Variants in GRIP1 observed in about 807,000 individuals in gnomAD.
GRIP1 encodes the protein glutamate receptor-interacting protein 1.
GRIP1 carries 45 observed loss-of-function variants against 129.9 expected under a neutral mutation model. That is an observed-to-expected ratio of 0.35 (90% CI 0.27 to 0.44). The LOEUF is 0.44. Among genes scored for constraint, GRIP1 ranks in the 20% least tolerant of loss-of-function variants. The pLI is 1.00. For synonymous variants in GRIP1, 530 were observed against 520.8 expected (o/e 1.02, Z -0.24); for missense variants, 1,196 against 1,396.8 (o/e 0.86, Z 2.29).
At chr12:66,413,612 C>G (rs1043263342) in intron 15 of GRIP1, among the ~76,000 whole-genome samples, 3 of 152,184 alleles carry the variant, frequency 2.0e-5, no homozygotes, top group African/African-American at 7.2e-5. Flanking sequence ...TAGTATCATC[C>G]TGATACCAAA....
At chr12:66,694,339 G>T (rs2136325323) in intron 1 of GRIP1, among the ~76,000 whole-genome samples, 2 of 152,116 alleles carry the variant, frequency 1.3e-5, no homozygotes, top group South Asian at 4.1e-4. Flanking sequence ...TTTTTATTTT[G>T]AATTACTTTT....
intron 1 of GRIP1, among the ~76,000 whole-genome samples, chr12:66,884,341 T>A (rs1293240428): frequency 6.6e-6 from 1 of 152,132 alleles, no homozygotes; most frequent in African/African-American, 2.4e-5. Context: ...CAGCCTCTAA[T>A]AATTATGTAA....
In GRIP1 at chr12:66,788,820, C is replaced by T. The variant is rs550499550; in HGVS notation, c.-420+15233G>A. Among the ~76,000 whole-genome samples, 11 of 152,250 alleles carry T rather than the reference C, an allele frequency of 7.2e-5. No homozygotes were observed. The South Asian group carries it at 2.3e-3, about 32-fold the overall frequency. On this transcript the variant is annotated intron_variant, in intron 1 of 4. Coordinates refer to the GRIP1 transcript ENST00000538373. ...GTAGCCCCAGCCTATACTTTGGTCA[C>T]AGCCTTCTGAGAGACCATGAACCCG...
At chr12:66,360,938 C>T (rs1019275101) in intron 23 of GRIP1, among the ~76,000 whole-genome samples, 1 of 152,220 alleles carries the variant, frequency 6.6e-6, no homozygotes, top group African/African-American at 2.4e-5. Context: ...GAGAACCAAA[C>T]TGACACCTAC....
intron 1 of GRIP1, among the ~76,000 whole-genome samples, chr12:66,999,176 A>G (rs962725609): frequency 2.0e-5 from 3 of 152,074 alleles, no homozygotes; most frequent in African/African-American, 4.8e-5. Context: ...TGGAGCAAAC[A>G]ATAATAAAAA....
chr12:66,730,352 T>C (rs1254432625), intron 1 of GRIP1, among the ~76,000 whole-genome samples: 1 of 152,196 alleles, frequency 6.6e-6, no homozygotes, highest in East Asian at 1.9e-4. Flanking sequence ...GTTTCATAAA[T>C]AGCTATAATT....
intron 1 of GRIP1, among the ~76,000 whole-genome samples, chr12:66,985,536 C>T (rs1471976050): frequency 6.6e-6 from 1 of 152,124 alleles, no homozygotes; most frequent in Non-Finnish European, 1.5e-5. Flanking sequence ...TTTTGATTTA[C>T]AACTTAATTG....
chr12:66,820,538 G>C (rs868586210), intron 1 of GRIP1, among the ~76,000 whole-genome samples: 14 of 152,108 alleles, frequency 9.2e-5, no homozygotes, highest in Admixed American at 3.3e-4. Context: ...TTATGTCCAT[G>C]TACAAACCTG....
intron 1 of GRIP1, among the ~76,000 whole-genome samples, chr12:66,600,308 T>C (rs1325811088): frequency 2.0e-5 from 3 of 152,160 alleles, no homozygotes; most frequent in Non-Finnish European, 2.9e-5. Flanking sequence ...CTTTGTTTCA[T>C]TGGAGAGATA....
chr12:67,012,961 G>A (rs1040843117), intron 1 of GRIP1, among the ~76,000 whole-genome samples: 1 of 152,096 alleles, frequency 6.6e-6, no homozygotes, highest in African/African-American at 2.4e-5. Context: ...TAACAGCTTT[G>A]TAAATAGAAA....
At chr12:66,689,147 G>C (rs751365060) in intron 1 of GRIP1, among the ~76,000 whole-genome samples, 1 of 152,134 alleles carries the variant, frequency 6.6e-6, no homozygotes, top group Non-Finnish European at 1.5e-5. Flanking sequence ...AGACAACCTC[G>C]GTCCAGTTTC....
chr12:67,025,286 A>G (rs2042925582), intron 1 of GRIP1, among the ~76,000 whole-genome samples: 1 of 152,162 alleles, frequency 6.6e-6, no homozygotes, highest in South Asian at 2.1e-4. Context: ...GGTTGCAGTA[A>G]GCTGAGATCA....
intron 1 of GRIP1, among the ~76,000 whole-genome samples, chr12:66,860,006 T>C (rs1000012184): frequency 2.6e-5 from 4 of 152,218 alleles, no homozygotes; most frequent in East Asian, 1.9e-4. Context: ...ATGACTCACA[T>C]GCAAGATATA....
chr12:66,382,469 A>T (rs1313920709), intron 19 of GRIP1, among the ~76,000 whole-genome samples: 4 of 152,210 alleles, frequency 2.6e-5, no homozygotes, highest in Admixed American at 6.5e-5. Context: ...ACCTCAGTGT[A>T]AAATGGGGAT....
At chr12:66,689,208 T>C (rs1245159291) in intron 1 of GRIP1, among the ~76,000 whole-genome samples, 1 of 152,174 alleles carries the variant, frequency 6.6e-6, no homozygotes, top group African/African-American at 2.4e-5. Flanking sequence ...CTTAGATGAG[T>C]ATAACAAAGC....
chr12:66,639,397 G>C (rs990313262), intron 1 of GRIP1, among the ~76,000 whole-genome samples: 1 of 152,144 alleles, frequency 6.6e-6, no homozygotes, highest in African/African-American at 2.4e-5. Context: ...TTCCAGGAAA[G>C]AGGGAATGGC....
intron 1 of GRIP1, among the ~76,000 whole-genome samples, chr12:66,946,308 C>T (rs762841391): frequency 1.3e-5 from 2 of 152,140 alleles, no homozygotes; most frequent in Non-Finnish European, 2.9e-5. Context: ...CAATTCCAGG[C>T]CCAGCTTTAG....
At chr12:66,478,785 A>C (rs1324288794) in intron 7 of GRIP1, among the ~76,000 whole-genome samples, 3 of 152,140 alleles carry the variant, frequency 2.0e-5, no homozygotes, top group Non-Finnish European at 4.4e-5. Context: ...AAGGACAAAA[A>C]ACCAAACACT....
chr12:67,069,230 G>T, upstream of GRIP1: 1 of 448,918 alleles, frequency 2.2e-6, no homozygotes, highest in Non-Finnish European at 2.9e-6. Flanking sequence ...CAGCGGGGCT[G>T]GGGCGCCGAG....
Sources: allele counts gnomAD v4.1 joint callset (sites outside exome capture counted in the v4.1 genomes callset), GRCh38; gene constraint gnomAD v4.1.1; transcripts MANE v1.5; gene names NCBI Gene and HGNC (gene_info 2026-07-23, HGNC 2026-07-21).